Variants in SIPA1L3 observed in about 807,000 individuals in gnomAD.
SIPA1L3 encodes signal-induced proliferation-associated 1-like protein 3.
In SIPA1L3, 59 loss-of-function variants were observed where a neutral mutation model predicts 150.1. The ratio of observed to expected loss-of-function variants is 0.39; its 90% CI spans 0.32 to 0.49. The LOEUF (loss-of-function observed/expected upper bound fraction) is 0.49, where lower values mean the gene tolerates loss of function less well. Among genes scored for constraint, SIPA1L3 ranks in the 20% least tolerant of loss-of-function variants. The pLI is 0.86. For missense variants in SIPA1L3, 2,211 were observed against 2,489.5 expected (o/e 0.89, Z 2.38); for synonymous variants, 1,070 against 1,077.6 (o/e 0.99, Z 0.14).
intron 10 of SIPA1L3, among the ~76,000 whole-genome samples, chr19:38,139,285 G>T (rs61185863): frequency 0.4 from 60,402 of 151,922 alleles, 12,405 homozygotes; most frequent in East Asian, 0.62. Context: ...GTCAGGGTGG[G>T]TGCTTGGAGA....
At chr19:38,022,855 C>T (rs1461014421) in intron 1 of SIPA1L3, among the ~76,000 whole-genome samples, 7 of 152,212 alleles carry the variant, frequency 4.6e-5, no homozygotes, top group Admixed American at 3.9e-4. Flanking sequence ...CAGCAGGGAG[C>T]CCTGGGCCTG....
chr19:37,943,989 A>T (rs2046686061), intron 1 of SIPA1L3, among the ~76,000 whole-genome samples: 1 of 152,192 alleles, frequency 6.6e-6, no homozygotes, highest in African/African-American at 2.4e-5. Context: ...GCAGAGCAGT[A>T]TGTAGAGAAA....
At chr19:37,908,734 A>G (rs180681045) in intron 1 of SIPA1L3, among the ~76,000 whole-genome samples, 1 of 152,224 alleles carries the variant, frequency 6.6e-6, no homozygotes, top group East Asian at 1.9e-4. Context: ...CAAAGATTAA[A>G]TTATGGAACA....
chr19:38,194,793 G>A (rs546723425), intron 18 of SIPA1L3, among the ~76,000 whole-genome samples: 17 of 152,326 alleles, frequency 1.1e-4, no homozygotes, highest in African/African-American at 4.1e-4. Flanking sequence ...GCTCACGCCT[G>A]TAATCCCAGC....
chr19:38,144,007 C>T (rs1971651714), intron 12 of SIPA1L3, among the ~76,000 whole-genome samples: 1 of 152,294 alleles, frequency 6.6e-6, no homozygotes, highest in African/African-American at 2.4e-5. Context: ...CCTAGGGGGA[C>T]TGTCTGTATT....
In SIPA1L3 at chr19:38,099,992, G is replaced by T; in HGVS notation, c.1696G>T (p.Asp566Tyr). 6.2e-7 allele frequency: 1 copy of T among 1,609,076 alleles called. No individual in the cohort carries two copies. The highest frequency in any genetic ancestry group is 1.1e-5 in the South Asian group (1 of 90,286). ...LITLRGSILEDATPTATKHGT... is the reference protein window; with the variant it reads ...LITLRGSILEYATPTATKHGT... ...CACCCTGCGGGGCTCCATCCTGGAA[G>T]ATGCTACGCCCACAGCCACCAAGCA... Residue 566 changes from aspartate (D) to tyrosine (Y), a missense_variant, in exon 5 of 22, where the codon GAT (aspartate) becomes TAT (tyrosine). Asp to Tyr is a radical substitution (Grantham distance 160). Coordinates refer to ENST00000222345, the MANE Select transcript of SIPA1L3 (RefSeq NM_015073.3).
In SIPA1L3 at chr19:38,057,377, G is replaced by A. The variant is rs140691379; in HGVS notation, c.-310-23879G>A. On this transcript the variant is annotated intron_variant, in intron 2 of 21. Transcript: ENST00000222345. ...GTATATATATGTATATATATGGGAA[G>A]GTATAAAGAACAGATTTTCGAAAAC... 2.5e-3 allele frequency among the ~76,000 whole-genome samples: 376 copies of A among 151,292 alleles called. 4 individuals are homozygous for A. The highest frequency in any genetic ancestry group is 0.018 in the East Asian group (93 of 5,150).
chr19:38,090,117 G>A (rs1231935040), intron 4 of SIPA1L3, among the ~76,000 whole-genome samples: 2 of 151,956 alleles, frequency 1.3e-5, no homozygotes, highest in African/African-American at 4.8e-5. Flanking sequence ...GTCACCTGAG[G>A]TCAGGAGTTC....
intron 15 of SIPA1L3, among the ~76,000 whole-genome samples, chr19:38,169,857 G>A (rs1198214592): frequency 6.6e-6 from 1 of 151,786 alleles, no homozygotes; most frequent in Non-Finnish European, 1.5e-5. Flanking sequence ...CAGGGTCAGG[G>A]TGGGGGGCCC....
chr19:38,148,554 C>T (rs1017466280), intron 12 of SIPA1L3, among the ~76,000 whole-genome samples: 1 of 152,180 alleles, frequency 6.6e-6, no homozygotes, highest in Non-Finnish European at 1.5e-5. Context: ...AAGGCTACAT[C>T]ATCTGACCGT....
At chr19:38,121,223 G>C (rs1438535858) in intron 9 of SIPA1L3, among the ~76,000 whole-genome samples, 2 of 152,118 alleles carry the variant, frequency 1.3e-5, no homozygotes, top group Non-Finnish European at 2.9e-5. Flanking sequence ...TAGATCATGA[G>C]GTCAGGAGAT....
At chr19:38,023,259 G>A (rs1222045265) in intron 1 of SIPA1L3, among the ~76,000 whole-genome samples, 3 of 152,132 alleles carry the variant, frequency 2.0e-5, no homozygotes, top group African/African-American at 2.4e-5. Flanking sequence ...CGGTGGGGCC[G>A]GGGGTCAGGG....
In SIPA1L3 at chr19:38,162,370, A is replaced by G; in HGVS notation, c.3779A>G (p.Lys1260Arg). The G allele has an allele frequency of 2.5e-6, 4 of 1,612,632 alleles. No individual in the cohort carries two copies. The highest frequency in any genetic ancestry group is 3.4e-6 in the Non-Finnish European group (4 of 1,178,642). The change falls in exon 14 of 22, where the codon AAA (lysine) becomes AGA (arginine). Residue 1260 changes from lysine (K) to arginine (R), a missense_variant and splice_region_variant. By Grantham distance (26) the Lys-to-Arg change is conservative. Transcript: ENST00000222345. ...AAAGATTCCCCCAACAGGCATTCCA[A>G]AGTGAGTCTGGGCCCCACCCTGCCC... is the stretch of plus-strand genomic sequence containing the variant. ...AGKDSPNRHS[K>R]GEPQYSSHSS...
At chr19:38,132,584 C>CAA (rs375027167) in intron 10 of SIPA1L3, among the ~76,000 whole-genome samples, 2,630 of 108,358 alleles carry the variant, frequency 0.024, 124 homozygotes, top group African/African-American at 0.081. Flanking sequence ...AGCTACGTCT[C>CAA]AAAAAAAAAA....
chr19:38,058,477 G>T (rs1214529167), intron 2 of SIPA1L3, among the ~76,000 whole-genome samples: 1 of 152,088 alleles, frequency 6.6e-6, no homozygotes, highest in Non-Finnish European at 1.5e-5. Context: ...CACATATGGA[G>T]AGTTGTCCTG....
intron 1 of SIPA1L3, among the ~76,000 whole-genome samples, chr19:37,992,650 TAAAA>T (rs3083579): frequency 4.4e-3 from 639 of 146,434 alleles, no homozygotes; most frequent in African/African-American, 7.4e-3. Context: ...CACTCTGTCT[TAAAA>T]AAAAAAAAAA....
At chr19:37,956,059 G>A (rs945441951) in intron 1 of SIPA1L3, among the ~76,000 whole-genome samples, 6 of 152,194 alleles carry the variant, frequency 3.9e-5, no homozygotes, top group African/African-American at 1.4e-4. Context: ...GCGTGATCAT[G>A]GCGCACTACA....
chr19:38,061,110 G>A (rs981228125), intron 2 of SIPA1L3, among the ~76,000 whole-genome samples: 2 of 152,160 alleles, frequency 1.3e-5, no homozygotes, highest in African/African-American at 2.4e-5. Context: ...TGCACTTCAG[G>A]GTGGGGTAAG....
chr19:37,936,751 G>A (rs2046604485), intron 1 of SIPA1L3, among the ~76,000 whole-genome samples: 1 of 152,160 alleles, frequency 6.6e-6, no homozygotes, highest in African/African-American at 2.4e-5. Flanking sequence ...TCTGGCTCTG[G>A]AGGCATGTAC....
Sources: gnomAD v4.1 joint callset for allele counts (sites outside exome capture counted in the v4.1 genomes callset) on GRCh38, gnomAD v4.1.1 for gene constraint, MANE v1.5 for transcripts, NCBI Gene and HGNC (gene_info 2026-07-23, HGNC 2026-07-21) for gene names.